The following PCDHA8 variants were observed in gnomAD, a reference collection of about 807,000 sequenced individuals.
PCDHA8 encodes the protein protocadherin alpha-8.
A neutral mutation model predicts 61.8 loss-of-function variants in PCDHA8; 53 were observed. The observed-to-expected ratio is 0.86, with a 90% CI of 0.69 to 1.08. PCDHA8 has a LOEUF of 1.08. Among genes scored for constraint, PCDHA8 ranks in the 50% least tolerant of loss-of-function variants. PCDHA8 has a pLI of 0.00. For synonymous variants in PCDHA8, 618 were observed against 556.6 expected, an observed-to-expected ratio of 1.11 and a Z score of -1.55; for missense variants, 1,293 against 1,245.0, an observed-to-expected ratio of 1.04 and a Z score of -0.58.
rs1482950920 is a variant in PCDHA8 at position 140,867,382 on chromosome 5, CG to C, written c.2394+23669del. On this transcript the variant is annotated intron_variant, in intron 1 of 3. Coordinates refer to ENST00000531613, the MANE Select transcript of PCDHA8 (RefSeq NM_018911.3). ...TTTTACAGATGCGTAATGGAATTAA[CG>C]GTTATAAAAGTTGATATGTCTCCTT... 4 of 152,124 alleles carry C rather than the reference CG, an allele frequency of 2.6e-5. No individual in the cohort carries two copies. In the East Asian group the frequency reaches 7.7e-4, roughly 29 times the overall value. 9.4% of individuals were successfully genotyped at this position (152,124 alleles called of 1,614,324 possible).
intron 1 of PCDHA8, chr5:140,927,568 A>G: frequency 1.9e-6 from 3 of 1,614,174 alleles, no homozygotes; most frequent in Non-Finnish European, 2.5e-6. Context: ...TGTGGTGGAC[A>G]CAAATGACAA....
intron 1 of PCDHA8, chr5:140,871,442 A>C: frequency 6.2e-7 from 1 of 1,611,276 alleles, no homozygotes; most frequent in African/African-American, 1.3e-5. Flanking sequence ...CTAGGTCTGA[A>C]TAAAGAGGAG....
At chr5:140,851,696 A>G (rs1174127809) in intron 1 of PCDHA8, 1 of 941,376 alleles carries the variant, frequency 1.1e-6, no homozygotes, top group African/African-American at 1.8e-5. Context: ...TGATAAAATG[A>G]TCAGCCATGT....
intron 3 of PCDHA8, among the ~76,000 whole-genome samples, chr5:140,995,258 A>C (rs2097672609): frequency 6.6e-6 from 1 of 152,164 alleles, no homozygotes; most frequent in Non-Finnish European, 1.5e-5. Flanking sequence ...AGGGTACTTG[A>C]ATACAAGCCC....
chr5:140,857,420 G>A (rs2044582609), intron 1 of PCDHA8: 2 of 1,598,360 alleles, frequency 1.3e-6, no homozygotes, highest in Non-Finnish European at 1.7e-6. Flanking sequence ...CGCGCAGTCC[G>A]AGTACACGGT....
chr5:140,993,342 C>T (rs1554253606), intron 3 of PCDHA8, among the ~76,000 whole-genome samples: 1 of 151,994 alleles, frequency 6.6e-6, no homozygotes, highest in African/African-American at 2.4e-5. Flanking sequence ...TTGAAGGGCA[C>T]TACGAAGATC....
chr5:140,856,296 T>G, intron 1 of PCDHA8: 1 of 1,598,576 alleles, frequency 6.3e-7, no homozygotes, highest in Non-Finnish European at 8.6e-7. Flanking sequence ...AATGGCATTT[T>G]GTTTGTGAAT....
intron 1 of PCDHA8, chr5:140,857,477 T>A (rs1562523780): frequency 1.3e-6 from 2 of 1,598,544 alleles, no homozygotes; most frequent in Admixed American, 1.7e-5. Context: ...CTTCACGGTG[T>A]CTGCGTGGGA....
chr5:140,871,271 C>T (rs1369255733), intron 1 of PCDHA8: 1 of 1,613,830 alleles, frequency 6.2e-7, no homozygotes, highest in African/African-American at 1.3e-5. Context: ...CTGTGGTGGT[C>T]GGCAACGCCC....
At chr5:140,876,117 C>T in intron 1 of PCDHA8, 1 of 1,613,922 alleles carries the variant, frequency 6.2e-7, no homozygotes, top group Non-Finnish European at 8.5e-7. Flanking sequence ...TGATGGTAAT[C>T]GATGGCGGTA....
rs782333249 is a variant in PCDHA8 at position 140,978,931 on chromosome 5, CTCTT to C, written c.2395-16_2395-13del. On this transcript the variant is annotated splice_polypyrimidine_tract_variant and intron_variant, in intron 1 of 3. Coordinates refer to ENST00000531613, the MANE Select transcript of PCDHA8 (RefSeq NM_018911.3). ...TGTCTTGTCATTTTAACAGAAAACTCTCTTTGTGATTTTGCAGCCACGACAGCCC... is the reference window on the plus strand; with the variant it reads ...TGTCTTGTCATTTTAACAGAAAACTCTGTGATTTTGCAGCCACGACAGCCC... 4.3e-6 allele frequency: 7 copies of C among 1,614,126 alleles called. No individual in the cohort carries two copies. The Admixed American group carries it at 6.7e-5, about 15-fold the overall frequency.
At chr5:140,911,518 T>C (rs531265598) in intron 1 of PCDHA8, among the ~76,000 whole-genome samples, 1 of 152,346 alleles carries the variant, frequency 6.6e-6, no homozygotes, top group East Asian at 1.9e-4. Flanking sequence ...TATCTGCTTC[T>C]GAAGCTAGGA....
intron 1 of PCDHA8, chr5:140,854,061 C>T: frequency 3.6e-6 from 1 of 279,894 alleles, no homozygotes; most frequent in Non-Finnish European, 5.4e-6. Flanking sequence ...ACTCAGGAGG[C>T]TGAGGCGAGA....
chr5:140,947,585 G>C (rs773594834), intron 1 of PCDHA8, among the ~76,000 whole-genome samples: 5 of 151,544 alleles, frequency 3.3e-5, no homozygotes, highest in Non-Finnish European at 3.0e-5. Context: ...TTAACATTTA[G>C]ATCAATTTAG....
At chr5:140,927,651 C>A in intron 1 of PCDHA8, 2 of 1,614,216 alleles carry the variant, frequency 1.2e-6, no homozygotes, top group Non-Finnish European at 1.7e-6. Context: ...CTGTGTTATT[C>A]CGAGTTCAAG....
chr5:140,982,221 A>T, intron 2 of PCDHA8: 1 of 546,340 alleles, frequency 1.8e-6, no homozygotes. Flanking sequence ...ACATGGCGTT[A>T]ATAAAAAACA....
chr5:141,010,107 C>T lies in PCDHA8; in HGVS notation c.*170C>T, dbSNP rs1457376249. On this transcript the variant is annotated 3_prime_UTR_variant, in exon 4 of 4. Coordinates refer to ENST00000531613, the MANE Select transcript of PCDHA8 (RefSeq NM_018911.3). ...CTAGAACGCATTTAACAGGTTTTGT[C>T]GTAAAAGCTTTACTAAGTCTGGTGT... 8.1e-6 allele frequency: 13 copies of T among 1,611,484 alleles called. No individual in the cohort carries two copies. Among genetic ancestry groups the T allele is most frequent in the South Asian group, 4.4e-5 (4 of 90,776 alleles).
intron 1 of PCDHA8, chr5:140,870,277 G>A: frequency 6.2e-7 from 1 of 1,614,168 alleles, no homozygotes; most frequent in Non-Finnish European, 8.5e-7. Context: ...GACGCCCCAC[G>A]TTCCCTTCAA....
intron 1 of PCDHA8, among the ~76,000 whole-genome samples, chr5:140,955,031 A>C (rs782110698): frequency 6.6e-6 from 1 of 152,166 alleles, no homozygotes; most frequent in Non-Finnish European, 1.5e-5. Flanking sequence ...TAAATAGGGA[A>C]TCTTTTCCTC....
Sources: allele counts gnomAD v4.1 joint callset (sites outside exome capture counted in the v4.1 genomes callset), GRCh38; gene constraint gnomAD v4.1.1; transcripts MANE v1.5; gene names NCBI Gene and HGNC (gene_info 2026-07-23, HGNC 2026-07-21).